Variants in PTPRD observed in about 807,000 individuals in gnomAD.
PTPRD encodes the protein receptor-type tyrosine-protein phosphatase delta.
PTPRD carries 34 observed loss-of-function variants against 214.5 expected under a neutral mutation model. The ratio of observed to expected loss-of-function variants is 0.16; its 90% CI spans 0.12 to 0.21. The LOEUF is 0.21. PTPRD is among the 10% of genes least tolerant of loss of function. The pLI is 1.00. For synonymous variants in PTPRD, 1,128 were observed against 845.7 expected (o/e 1.33, Z -5.79); for missense variants, 2,545 against 2,398.7 (o/e 1.06, Z -1.27).
chr9:10,474,261 A>T (rs1213937331), intron 2 of PTPRD, among the ~76,000 whole-genome samples: 1 of 151,792 alleles, frequency 6.6e-6, no homozygotes, highest in African/African-American at 2.4e-5. Flanking sequence ...AGACATACAT[A>T]GGCTCAAAAT....
At chr9:8,369,033 A>C (rs769728233) in intron 39 of PTPRD, among the ~76,000 whole-genome samples, 6 of 152,138 alleles carry the variant, frequency 3.9e-5, no homozygotes, top group Non-Finnish European at 7.4e-5. Flanking sequence ...TTTACACATA[A>C]AGATAAACCC....
intron 4 of PTPRD, among the ~76,000 whole-genome samples, chr9:9,962,021 G>C (rs1453843992): frequency 6.6e-6 from 1 of 152,000 alleles, no homozygotes; most frequent in Non-Finnish European, 1.5e-5. Flanking sequence ...CTTAGAATCA[G>C]GTAGAAGAAA....
At chr9:10,506,806 A>G (rs530989907) in intron 2 of PTPRD, among the ~76,000 whole-genome samples, 14 of 152,174 alleles carry the variant, frequency 9.2e-5, no homozygotes, top group Admixed American at 2.6e-4. Flanking sequence ...ACGTACTTCA[A>G]TTTGGGTTTG....
intron 8 of PTPRD, among the ~76,000 whole-genome samples, chr9:9,467,669 T>G (rs1440113807): frequency 6.6e-6 from 1 of 151,090 alleles, no homozygotes; most frequent in Non-Finnish European, 1.5e-5. Flanking sequence ...ACTATCGATT[T>G]CAGTAGATAT....
intron 3 of PTPRD, among the ~76,000 whole-genome samples, chr9:10,281,787 G>A (rs59497569): frequency 0.033 from 4,965 of 152,150 alleles, 285 homozygotes; most frequent in African/African-American, 0.11. Context: ...CGTACTGAAG[G>A]TCAGGACTAC....
At chr9:9,832,277 A>G (rs1037461615) in intron 5 of PTPRD, among the ~76,000 whole-genome samples, 1 of 152,028 alleles carries the variant, frequency 6.6e-6, no homozygotes, top group Non-Finnish European at 1.5e-5. Context: ...TACCAGAAGC[A>G]AAGTAGACAA....
chr9:8,945,163 C>A (rs560882120), intron 11 of PTPRD, among the ~76,000 whole-genome samples: 2 of 151,272 alleles, frequency 1.3e-5, no homozygotes, highest in African/African-American at 2.4e-5. Flanking sequence ...AACTCTGGAT[C>A]GGTTTGTGTT....
intron 2 of PTPRD, among the ~76,000 whole-genome samples, chr9:10,534,991 G>A (rs1472176557): frequency 7.2e-5 from 11 of 152,154 alleles, no homozygotes; most frequent in Non-Finnish European, 1.3e-4. Flanking sequence ...TTTTATCGCT[G>A]TAAAACCTTG....
intron 3 of PTPRD, among the ~76,000 whole-genome samples, chr9:10,330,436 C>T (rs1051722186): frequency 6.6e-6 from 1 of 151,780 alleles, no homozygotes; most frequent in Non-Finnish European, 1.5e-5. Context: ...ATGTAGGAAT[C>T]TTCTATGTTT....
intron 39 of PTPRD, among the ~76,000 whole-genome samples, chr9:8,342,626 G>A (rs1314035182): frequency 6.6e-6 from 1 of 152,048 alleles, no homozygotes; most frequent in African/African-American, 2.4e-5. Flanking sequence ...GCAACAGACA[G>A]CCTCCTTCAT....
chr9:10,098,957 T>C (rs1387307369), intron 3 of PTPRD, among the ~76,000 whole-genome samples: 4 of 151,732 alleles, frequency 2.6e-5, no homozygotes, highest in Admixed American at 6.6e-5. Context: ...TAGAATTTCA[T>C]AGACAGCAAA....
At chr9:8,806,180 CT>C (rs1218386667) in intron 11 of PTPRD, among the ~76,000 whole-genome samples, 2 of 150,172 alleles carry the variant, frequency 1.3e-5, no homozygotes, top group Admixed American at 6.7e-5. Context: ...CCACCTTGGC[CT>C]CCCAAAGTGC....
intron 11 of PTPRD, among the ~76,000 whole-genome samples, chr9:9,015,836 A>T (rs1283754820): frequency 6.6e-6 from 1 of 152,212 alleles, no homozygotes; most frequent in Non-Finnish European, 1.5e-5. Context: ...GACTTCAGCA[A>T]GTATACGTAG....
intron 33 of PTPRD, among the ~76,000 whole-genome samples, chr9:8,456,289 GCT>G (rs1285033391): frequency 1.3e-5 from 2 of 152,138 alleles, no homozygotes; most frequent in African/African-American, 4.8e-5. Context: ...TACTTTAAGA[GCT>G]CAGGAAAAGT....
rs56933180 is a variant in PTPRD at position 10,295,123 on chromosome 9, C to T, written c.-545+45840G>A. Among the ~76,000 whole-genome samples, 426 of 152,110 alleles carry T rather than the reference C, an allele frequency of 2.8e-3. 5 individuals are homozygous for T. Among genetic ancestry groups the T allele is most frequent in the African/African-American group, 9.7e-3 (403 of 41,510 alleles). ...GAAAATCTCTAAAGGATATTGTATA[C>T]ATGGATTGCCTTAATGTCTATTTTT... On this transcript the variant is annotated intron_variant, in intron 3 of 45. Coordinates refer to ENST00000381196, the MANE Select transcript of PTPRD (RefSeq NM_002839.4).
chr9:10,163,034 GAA>G (rs1445464808), intron 3 of PTPRD, among the ~76,000 whole-genome samples: 1 of 150,704 alleles, frequency 6.6e-6, no homozygotes, highest in Non-Finnish European at 1.5e-5. Context: ...TATATAGAGA[GAA>G]AGAGAAAAAC....
intron 9 of PTPRD, among the ~76,000 whole-genome samples, chr9:9,240,690 T>A (rs1304439241): frequency 6.6e-6 from 1 of 152,160 alleles, no homozygotes; most frequent in Admixed American, 6.6e-5. Flanking sequence ...AAACTTTCTT[T>A]AAGTTATATT....
intron 26 of PTPRD, among the ~76,000 whole-genome samples, chr9:8,493,404 C>A (rs1248898834): frequency 1.3e-5 from 2 of 152,264 alleles, no homozygotes; most frequent in East Asian, 3.9e-4. Flanking sequence ...TTATAGGAAG[C>A]ATTCCATTAA....
At chr9:8,406,306 C>A (rs10977055) in intron 35 of PTPRD, among the ~76,000 whole-genome samples, 2 of 152,194 alleles carry the variant, frequency 1.3e-5, no homozygotes, top group South Asian at 4.1e-4. Flanking sequence ...CCACACAGAA[C>A]AGCTCCACTC....
Sources: allele counts gnomAD v4.1 joint callset (sites outside exome capture counted in the v4.1 genomes callset), GRCh38; gene constraint gnomAD v4.1.1; transcripts MANE v1.5; gene names NCBI Gene and HGNC (gene_info 2026-07-23, HGNC 2026-07-21).